Variants in GABBR2 observed in about 807,000 individuals in gnomAD.
GABBR2 encodes gamma-aminobutyric acid type B receptor subunit 2.
Under a neutral mutation model 105.6 loss-of-function variants are expected in GABBR2, and 23 were observed. That is an observed-to-expected ratio of 0.22 (90% CI 0.16 to 0.31). The LOEUF (loss-of-function observed/expected upper bound fraction) is 0.31. Ranked by LOEUF, GABBR2 falls within the 10% of genes least tolerant of loss-of-function variation. The pLI is 1.00. For missense variants in GABBR2, 734 were observed against 1,245.5 expected (o/e 0.59, Z 6.18); for synonymous variants, 478 against 499.7 (o/e 0.96, Z 0.58).
chr9:98,512,924 C>G (rs1216250121), intron 3 of GABBR2, among the ~76,000 whole-genome samples: 1 of 151,878 alleles, frequency 6.6e-6, no homozygotes, highest in Admixed American at 6.6e-5. Context: ...TCATATGGAA[C>G]CAAAAAAGAG....
intron 13 of GABBR2, among the ~76,000 whole-genome samples, chr9:98,361,292 G>A (rs926509874): frequency 6.6e-6 from 1 of 152,122 alleles, no homozygotes; most frequent in African/African-American, 2.4e-5. Context: ...AGTAAAATGA[G>A]GTTAAGGACA....
At chr9:98,403,034 G>A (rs374634662) in intron 8 of GABBR2, among the ~76,000 whole-genome samples, 1 of 152,208 alleles carries the variant, frequency 6.6e-6, no homozygotes, top group East Asian at 1.9e-4. Context: ...AGTGGCTCAC[G>A]CCTGTAATCT....
At chr9:98,620,529 T>A (rs1417935219) in intron 1 of GABBR2, among the ~76,000 whole-genome samples, 3 of 152,194 alleles carry the variant, frequency 2.0e-5, no homozygotes, top group African/African-American at 7.2e-5. Flanking sequence ...CATTTGGTTG[T>A]CAATGTCTCT....
chr9:98,632,241 C>A (rs1829824840), intron 1 of GABBR2, among the ~76,000 whole-genome samples: 2 of 152,156 alleles, frequency 1.3e-5, no homozygotes, highest in Admixed American at 6.5e-5. Context: ...TAGGCAAGCT[C>A]CTTAACCTCT....
chr9:98,461,152 T>G (rs1261203654), intron 6 of GABBR2, among the ~76,000 whole-genome samples: 1 of 152,162 alleles, frequency 6.6e-6, no homozygotes, highest in Non-Finnish European at 1.5e-5. Flanking sequence ...GAAGTTCTTC[T>G]GGCAGAAAAA....
chr9:98,293,687 A>G, intron 18 of GABBR2, 98 bp downstream of exon 18: 1 of 684,872 alleles, frequency 1.5e-6, no homozygotes, highest in Non-Finnish European at 2.6e-6. Flanking sequence ...GAAAGCAAAT[A>G]AAATAATGGA....
chr9:98,346,585 A>G (rs1270665239), intron 13 of GABBR2, among the ~76,000 whole-genome samples: 1 of 152,204 alleles, frequency 6.6e-6, no homozygotes, highest in Non-Finnish European at 1.5e-5. Context: ...GAACATTCAA[A>G]ATCCTCTCTT....
intron 1 of GABBR2, among the ~76,000 whole-genome samples, chr9:98,659,765 C>T (rs1830233723): frequency 1.3e-5 from 2 of 151,982 alleles, no homozygotes; most frequent in South Asian, 4.1e-4. Context: ...AAGTGATCCG[C>T]CCACCTCGGT....
intron 3 of GABBR2, among the ~76,000 whole-genome samples, chr9:98,538,339 C>A (rs1828221042): frequency 6.6e-6 from 1 of 152,214 alleles, no homozygotes; most frequent in African/African-American, 2.4e-5. Context: ...CCAGAGGGGG[C>A]ATGGCAGAGC....
chr9:98,374,538 TG>T (rs1193027457), intron 11 of GABBR2, among the ~76,000 whole-genome samples: 1 of 152,172 alleles, frequency 6.6e-6, no homozygotes, highest in African/African-American at 2.4e-5. Flanking sequence ...GCAAACAACG[TG>T]GTTTATGCTG....
intron 11 of GABBR2, among the ~76,000 whole-genome samples, chr9:98,381,509 GC>G (rs369630847): frequency 2.5e-4 from 38 of 152,324 alleles, no homozygotes; most frequent in African/African-American, 8.7e-4. Flanking sequence ...TGGTACTTAG[GC>G]CCTAAATTCA....
intron 11 of GABBR2, among the ~76,000 whole-genome samples, chr9:98,379,667 G>A (rs1410429014): frequency 2.6e-5 from 4 of 152,128 alleles, no homozygotes; most frequent in South Asian, 2.1e-4. Flanking sequence ...CCCATCATTC[G>A]TTCATACATA....
chr9:98,411,377 C>T (rs919950481), intron 7 of GABBR2, among the ~76,000 whole-genome samples: 2 of 152,116 alleles, frequency 1.3e-5, no homozygotes, highest in East Asian at 1.9e-4. Flanking sequence ...GCTCATTGAG[C>T]GTTTCTGAGC....
chr9:98,436,138 TG>T (rs1296959833), intron 7 of GABBR2, among the ~76,000 whole-genome samples: 1 of 150,776 alleles, frequency 6.6e-6, no homozygotes, highest in Non-Finnish European at 1.5e-5. Context: ...TCTCTGTGGT[TG>T]TACCAAGTTT....
At chr9:98,309,454 A>G (rs558496872) in intron 14 of GABBR2, among the ~76,000 whole-genome samples, 1 of 152,378 alleles carries the variant, frequency 6.6e-6, no homozygotes, top group Admixed American at 6.5e-5. Context: ...CAGGTCATTG[A>G]CATGACATGC....
At chr9:98,500,806 C>T (rs1827382930) in intron 3 of GABBR2, among the ~76,000 whole-genome samples, 1 of 152,130 alleles carries the variant, frequency 6.6e-6, no homozygotes, top group Non-Finnish European at 1.5e-5. Context: ...GGTTCTCAAA[C>T]AGTGGCCCCT....
In GABBR2 at chr9:98,295,549, C is replaced by T. The variant is rs116167390; in HGVS notation, c.2543-1647G>A. 9.0e-3 allele frequency among the ~76,000 whole-genome samples: 1,358 copies of T among 151,340 alleles called. 20 individuals carry two copies. The highest frequency in any genetic ancestry group is 0.031 in the African/African-American group (1,277 of 41,172). On this transcript the variant is annotated intron_variant, in intron 17 of 18. Coordinates refer to ENST00000259455, the MANE Select transcript of GABBR2 (RefSeq NM_005458.8). The stretch of plus-strand genomic sequence containing the variant: ...AAATGAGATGTCTTTTTTTTTGAGA[C>T]GGAGTCTCACTCTGTCTCCAGGAGG...
At chr9:98,559,742 G>T (rs1369510252) in intron 2 of GABBR2, among the ~76,000 whole-genome samples, 1 of 152,028 alleles carries the variant, frequency 6.6e-6, no homozygotes, top group Non-Finnish European at 1.5e-5. Flanking sequence ...TGTGGCCAAG[G>T]TTATTCCAAG....
chr9:98,513,905 G>C (rs1169875821), intron 3 of GABBR2, among the ~76,000 whole-genome samples: 1 of 152,160 alleles, frequency 6.6e-6, no homozygotes, highest in East Asian at 1.9e-4. Context: ...TCCTATTACT[G>C]GGTATATACC....
Sources: allele counts gnomAD v4.1 joint callset (sites outside exome capture counted in the v4.1 genomes callset), GRCh38; gene constraint gnomAD v4.1.1; transcripts MANE v1.5; gene names NCBI Gene and HGNC (gene_info 2026-07-23, HGNC 2026-07-21).